Variants in MCOLN1 observed in about 807,000 individuals in gnomAD.
MCOLN1 encodes the protein mucolipin-1.
A neutral mutation model predicts 70.3 loss-of-function variants in MCOLN1; 50 were observed. The observed-to-expected ratio is 0.71, with a 90% CI of 0.57 to 0.90. The LOEUF (loss-of-function observed/expected upper bound fraction) is 0.90. Ranked by LOEUF, MCOLN1 falls within the 40% of genes least tolerant of loss-of-function variation. The probability of loss-of-function intolerance (pLI) is 0.00; values close to 1 mark genes in which losing one functional copy is unlikely to be tolerated. For missense variants in MCOLN1, 598 were observed against 803.5 expected, an observed-to-expected ratio of 0.74 and a Z score of 3.09; for synonymous variants, 366 against 341.0, an observed-to-expected ratio of 1.07 and a Z score of -0.81.
At chr19:7,531,083 G>A (rs373424199) in intron 12 of MCOLN1, among the ~76,000 whole-genome samples, 64 of 152,162 alleles carry the variant, frequency 4.2e-4, no homozygotes, top group African/African-American at 1.4e-3. Flanking sequence ...TTTTATTAGA[G>A]ACAAGGGTCT....
At position 7,525,664 on chromosome 19, in the gene MCOLN1, C is replaced by G. The variant is rs2022558716; in HGVS notation, c.237+498C>G. ...CCCATGCCAGACCCTGTGCTGGGCT[C>G]TGGGAACCCCAAGATGAATCAGACC... On this transcript the variant is annotated intron_variant, in intron 2 of 13. Coordinates refer to ENST00000264079, the MANE Select transcript of MCOLN1 (RefSeq NM_020533.3). This position sits in a 1 kb window ranked among gnomAD's most constrained non-coding sequence, Gnocchi z 4.2. 1 of 193,936 alleles carries G rather than the reference C, an allele frequency of 5.2e-6. No individual in the cohort carries two copies. Among genetic ancestry groups the G allele is most frequent in the Admixed American group, 5.4e-5 (1 of 18,602 alleles). The allele number at this position is 193,936 out of a possible 1,614,324, so 12.0% of individuals were successfully genotyped here.
At position 7,522,689 on chromosome 19, in the gene MCOLN1, G is replaced by C; in HGVS notation, c.-62G>C. On this transcript the variant is annotated 5_prime_UTR_variant, in exon 1 of 14. Transcript: ENST00000264079. ...AGGGAGCGAGGTCGCAGTGACAGCG[G>C]CGGGCGATCGGACCCAGGCTGCCCC... is the stretch of plus-strand genomic sequence containing the variant. 7.0e-7 allele frequency: 1 copy of C among 1,425,320 alleles called. No individual in the cohort carries two copies. The highest frequency in any genetic ancestry group is 1.4e-5 in the South Asian group (1 of 70,068). The allele number at this position is 1,425,320 out of a possible 1,614,324, so 88.3% of individuals were successfully genotyped here. A position where few individuals can be genotyped will look rare whatever the true frequency, so the allele number is the denominator to read the frequency against.
At position 7,528,854 on chromosome 19, in the gene MCOLN1, C is replaced by T. The variant is rs781198432; in HGVS notation, c.1018C>T (p.Arg340Trp). ...FVGFMWRQRG[R>W]VISLWERLEF... is the part of the protein sequence containing the mutation. The stretch of plus-strand genomic sequence containing the variant: ...GGGGTTCATGTGGCGGCAGCGGGGA[C>T]GGGTCATCAGCCTGTGGGAGCGGCT... The change falls in exon 9 of 14, where the codon CGG (arginine) becomes TGG (tryptophan). Residue 340 changes from arginine to tryptophan, a missense_variant. Coordinates refer to ENST00000264079, the MANE Select transcript of MCOLN1 (RefSeq NM_020533.3). The surrounding 1 kb of genome is among the most constrained non-coding windows in gnomAD (Gnocchi z 4.2). 45 of 1,614,084 alleles carry T rather than the reference C, an allele frequency of 2.8e-5. No individual in the cohort carries two copies. In the East Asian group the frequency reaches 3.6e-4, roughly 13 times the overall value.
In MCOLN1 at chr19:7,528,920, G is replaced by A; in HGVS notation, c.1084G>A (p.Asp362Asn). 5.0e-6 allele frequency: 8 copies of A among 1,614,116 alleles called. No homozygotes were observed. Among genetic ancestry groups the A allele is most frequent in the East Asian group, 2.2e-5 (1 of 44,870 alleles). ...CTGGTACATCCTGCTCGTCACCAGC[G>A]ATGTGCTCACCATCTCGGGCACCAT... is the stretch of plus-strand genomic sequence containing the variant. Reference protein sequence around the residue: ...NGWYILLVTSDVLTISGTIMK... With the variant: ...NGWYILLVTSNVLTISGTIMK... Residue 362 changes from aspartate to asparagine, a missense_variant, in exon 9 of 14, where the codon GAT becomes AAT. This residue lies in a region of MCOLN1 where 461 missense variants were observed against 588.4 expected (regional missense o/e 0.78). Coordinates refer to ENST00000264079, the MANE Select transcript of MCOLN1 (RefSeq NM_020533.3). This position sits in a 1 kb window ranked among gnomAD's most constrained non-coding sequence, Gnocchi z 4.2.
In MCOLN1 at chr19:7,525,425, G is replaced by T. The variant is rs1203432687; in HGVS notation, c.237+259G>T. ...AGGAGAATCGCTTGAATTGGGAGGC[G>T]GAGGTTGCCGTGAGCTGAAATCATG... On this transcript the variant is annotated intron_variant, in intron 2 of 13. Coordinates refer to ENST00000264079, the MANE Select transcript of MCOLN1 (RefSeq NM_020533.3). This position sits in a 1 kb window ranked among gnomAD's most constrained non-coding sequence, Gnocchi z 4.2. The T allele has an allele frequency of 9.3e-6, 4 of 430,156 alleles. No homozygotes were observed. Among genetic ancestry groups the T allele is most frequent in the Non-Finnish European group, 1.8e-5 (4 of 228,550 alleles). 26.6% of individuals were successfully genotyped at this position (430,156 alleles called of 1,614,324 possible).
intron 10 of MCOLN1, 129 bp from the exon 11 acceptor site, chr19:7,529,461 C>T: frequency 4.1e-6 from 5 of 1,228,792 alleles, no homozygotes; most frequent in Non-Finnish European, 5.7e-6. Context: ...TCTAGGCACC[C>T]ACTGGCTCCC....
chr19:7,529,409 C>T (rs1035821525), intron 10 of MCOLN1, among the ~76,000 whole-genome samples, 181 bp from the exon 11 acceptor site: 4 of 152,192 alleles, frequency 2.6e-5, no homozygotes, highest in Admixed American at 6.5e-5. Flanking sequence ...TGAGTCTAGC[C>T]GTGCGTTGCC....
In MCOLN1 at chr19:7,525,641, C is replaced by G. The variant is rs111359393; in HGVS notation, c.237+475C>G. ...GCTGCACAGATAGTTCTCCCTCCCC[C>G]ATGCCAGACCCTGTGCTGGGCTCTG... is the stretch of plus-strand genomic sequence containing the variant. On this transcript the variant is annotated intron_variant, in intron 2 of 13. Transcript: ENST00000264079. This position sits in a 1 kb window ranked among gnomAD's most constrained non-coding sequence, Gnocchi z 4.2. 0.017 allele frequency: 3,618 copies of G among 210,894 alleles called. 144 individuals carry two copies. The highest frequency in any genetic ancestry group is 0.081 in the African/African-American group (3,402 of 42,160). The allele number at this position is 210,894 out of a possible 1,614,324, so 13.1% of individuals were successfully genotyped here.
In MCOLN1 at chr19:7,533,646, T is replaced by C; in HGVS notation, c.1699T>C (p.Cys567Arg). 1 of 1,613,458 alleles carries C rather than the reference T, an allele frequency of 6.2e-7. No individual in the cohort carries two copies. The highest frequency in any genetic ancestry group is 8.5e-7 in the Non-Finnish European group (1 of 1,179,942). The change falls in exon 13 of 14, where the codon TGC becomes CGC. Residue 567 changes from cysteine (C) to arginine (R), a missense_variant. Around this residue, in one of 3 missense-constraint regions of MCOLN1, gnomAD observed 59 missense variants for 58.8 expected, o/e 1.00. Coordinates refer to ENST00000264079, the MANE Select transcript of MCOLN1 (RefSeq NM_020533.3). The stretch of plus-strand genomic sequence containing the variant: ...CTCGGCCTGCAGCCTTCTCTGCTGC[T>C]GCGGAAGGTTCGAGTCCCGGGTCTG... ...SGSACSLLCC[C>R]GRDPSEEHSL...
chr19:7,526,766 G>A lies in MCOLN1; in HGVS notation c.411G>A (p.Leu137=). Residue 137 remains leucine, a synonymous_variant, in exon 4 of 14, where the codon CTG becomes CTA. Coordinates refer to ENST00000264079, the MANE Select transcript of MCOLN1 (RefSeq NM_020533.3). This position sits in a 1 kb window ranked among gnomAD's most constrained non-coding sequence, Gnocchi z 4.6. ...CTCCCCTTCTCTGCCCACAGTACCTGGCGTTGCCTGACGTGTCACTGGGCC... is the reference window on the plus strand; with the variant it reads ...CTCCCCTTCTCTGCCCACAGTACCTAGCGTTGCCTGACGTGTCACTGGGCC... The part of the protein sequence containing the change: ...QAIFHAVDQY[L]ALPDVSLGRY... 2 of 1,613,990 alleles carry A rather than the reference G, an allele frequency of 1.2e-6. No homozygotes were observed. Among genetic ancestry groups the A allele is most frequent in the Admixed American group, 1.7e-5 (1 of 60,008 alleles).
intron 10 of MCOLN1, 79 bp from the exon 11 acceptor site, chr19:7,529,511 T>TTGGGGGC: frequency 1.3e-5 from 5 of 370,398 alleles, no homozygotes; most frequent in African/African-American, 5.0e-5. Context: ...GCCCCGCCCC[T>TTGGGGGC]CCCACCCCCA....
Position 7,533,519 on chromosome 19 carries a change from C to G in MCOLN1, c.1576-4C>G, listed in dbSNP as rs761220466. 2 of 1,610,738 alleles carry G rather than the reference C, an allele frequency of 1.2e-6. No individual in the cohort carries two copies. Among genetic ancestry groups the G allele is most frequent in the South Asian group, 2.2e-5 (2 of 90,966 alleles). ...AGGCTGAGCCTCCCGGCTTCTCTCC[C>G]CAGCATCCCGGCGGCGCAGGCGCAG... On this transcript the variant is annotated splice_polypyrimidine_tract_variant and splice_region_variant and intron_variant, in intron 12 of 13. Transcript: ENST00000264079.
At position 7,532,546 on chromosome 19, in the gene MCOLN1, C is replaced by T. The variant is rs191402702; in HGVS notation, c.1576-977C>T. Reference sequence around the variant, plus strand: ...CCTGGCCAACATGGCAAAACCCCATCTCTACTAAAAATACAAAAAATTAGC... The same window carrying T: ...CCTGGCCAACATGGCAAAACCCCATTTCTACTAAAAATACAAAAAATTAGC... On this transcript the variant is annotated intron_variant, in intron 12 of 13. Transcript: ENST00000264079. 5.3e-5 allele frequency among the ~76,000 whole-genome samples: 8 copies of T among 152,160 alleles called. No individual in the cohort carries two copies. The East Asian group carries it at 1.5e-3, about 29-fold the overall frequency.
intron 13 of MCOLN1, 47 bp from the exon 14 acceptor site, chr19:7,533,712 C>A: frequency 6.2e-7 from 1 of 1,614,110 alleles, no homozygotes; most frequent in South Asian, 1.1e-5. Flanking sequence ...GAAAGGGGAG[C>A]GAGCCAGAGA....
At position 7,526,309 on chromosome 19, in the gene MCOLN1, A is replaced by G. The variant is rs2146022272; in HGVS notation, c.238-130A>G. 1.9e-6 allele frequency: 2 copies of G among 1,049,842 alleles called. No homozygotes were observed. The highest frequency in any genetic ancestry group is 4.8e-5 in the East Asian group (2 of 42,002). The allele number at this position is 1,049,842 out of a possible 1,614,324, so 65.0% of individuals were successfully genotyped here. The stretch of plus-strand genomic sequence containing the variant: ...GAAATCCGTGTTTGTGGCCCAAGTT[A>G]GCAGGGCCCTGCCCCACCCCAGTGG... On this transcript the variant is annotated intron_variant, in intron 2 of 13. Coordinates refer to ENST00000264079, the MANE Select transcript of MCOLN1 (RefSeq NM_020533.3). The surrounding 1 kb of genome is among the most constrained non-coding windows in gnomAD (Gnocchi z 4.6).
Position 7,533,588 on chromosome 19 carries a change from C to A in MCOLN1, c.1641C>A (p.Ser547Arg), listed in dbSNP as rs1233533655. ...CCTACATCGCACAGTGCCAGGACAG[C>A]CCCACCTCCGGCAAGTTCCGCCGCG... is the stretch of plus-strand genomic sequence containing the variant. The part of the protein sequence containing the change: ...LQAYIAQCQD[S>R]PTSGKFRRGS... The change falls in exon 13 of 14, where the codon AGC becomes AGA. Residue 547 changes from serine to arginine, a missense_variant. Physicochemically the swap from Ser to Arg is moderately radical, Grantham distance 110. Coordinates refer to ENST00000264079, the MANE Select transcript of MCOLN1 (RefSeq NM_020533.3). 1.2e-6 allele frequency: 2 copies of A among 1,613,188 alleles called. No homozygotes were observed. Among genetic ancestry groups the A allele is most frequent in the East Asian group, 2.2e-5 (1 of 44,886 alleles).
chr19:7,528,679 C>T lies in MCOLN1; in HGVS notation c.960C>T (p.Leu320=). Residue 320 remains leucine, a synonymous_variant, in exon 8 of 14, where the codon CTC becomes CTT. Transcript: ENST00000264079. This position sits in a 1 kb window ranked among gnomAD's most constrained non-coding sequence, Gnocchi z 4.2. ...SLSFLLCARS[L]LRGFLLQNEF... is the part of the protein sequence containing the mutation. The stretch of plus-strand genomic sequence containing the variant: ...CCTTCCTCCTCTGCGCCCGCTCACT[C>T]CTTCGAGGCTTCCTGCTGCAGAACG... 5 of 1,614,248 alleles carry T rather than the reference C, an allele frequency of 3.1e-6. No homozygotes were observed. The highest frequency in any genetic ancestry group is 4.2e-6 in the Non-Finnish European group (5 of 1,180,034).
chr19:7,526,690 C>T lies in MCOLN1; in HGVS notation c.406-71C>T, dbSNP rs552582224. On this transcript the variant is annotated intron_variant, in intron 3 of 13. Transcript: ENST00000264079. This position sits in a 1 kb window ranked among gnomAD's most constrained non-coding sequence, Gnocchi z 4.6. ...AGTTGGGCGGGCAGGTGCTGGTGGGCGGGCAGGTGCAGGTGGGTGGGCTGC... is the reference window on the plus strand; with the variant it reads ...AGTTGGGCGGGCAGGTGCTGGTGGGTGGGCAGGTGCAGGTGGGTGGGCTGC... 144 of 1,525,960 alleles carry T rather than the reference C, an allele frequency of 9.4e-5. No homozygotes were observed. In the South Asian group the frequency reaches 1.1e-3, roughly 12 times the overall value. The allele number at this position is 1,525,960 out of a possible 1,614,324, so 94.5% of individuals were successfully genotyped here.
In MCOLN1 at chr19:7,526,200, G is replaced by T; in HGVS notation, c.238-239G>T. ...GATGAGTCCCCACCCTGTGTTGTACGGGGGAGGACACAGTGGTGGGCGTGG... is the reference window on the plus strand; with the variant it reads ...GATGAGTCCCCACCCTGTGTTGTACTGGGGAGGACACAGTGGTGGGCGTGG... On this transcript the variant is annotated intron_variant, in intron 2 of 13. Transcript: ENST00000264079. The surrounding 1 kb of genome is among the most constrained non-coding windows in gnomAD (Gnocchi z 4.6). The T allele has an allele frequency of 1.7e-6, 1 of 594,018 alleles. No homozygotes were observed. The highest frequency in any genetic ancestry group is 1.9e-5 in the South Asian group (1 of 52,590). 36.8% of individuals were successfully genotyped at this position (594,018 alleles called of 1,614,324 possible).
Sources: gnomAD v4.1 joint callset for allele counts (sites outside exome capture counted in the v4.1 genomes callset) on GRCh38, gnomAD v4.1.1 for gene constraint, gnomAD v4.1.1 regional missense constraint, Gnocchi (gnomAD v3.1) non-coding constraint, MANE v1.5 for transcripts, NCBI Gene and HGNC (gene_info 2026-07-23, HGNC 2026-07-21) for gene names.